Variants in ATE1 observed in about 807,000 individuals in gnomAD.
ATE1 encodes arginyl-tRNA--protein transferase 1.
Under a neutral mutation model 70.5 loss-of-function variants are expected in ATE1, and 36 were observed. The observed-to-expected ratio is 0.51, with a 90% confidence interval of 0.39 to 0.67. The LOEUF is 0.67. ATE1 is among the 30% of genes least tolerant of loss of function. The pLI is 0.00. For missense variants in ATE1, 593 were observed against 629.5 expected (o/e 0.94, Z 0.62); for synonymous variants, 232 against 219.3 (o/e 1.06, Z -0.51).
At chr10:121,856,779 T>C (rs886685893) in intron 8 of ATE1, among the ~76,000 whole-genome samples, 1 of 152,160 alleles carries the variant, frequency 6.6e-6, no homozygotes, top group Non-Finnish European at 1.5e-5. Context: ...TTGTTCAACA[T>C]AGGATTGCCA....
chr10:121,747,386 G>A (rs2135679354), intron 11 of ATE1, among the ~76,000 whole-genome samples: 1 of 152,272 alleles, frequency 6.6e-6, no homozygotes, highest in Middle Eastern at 3.4e-3. Context: ...TCTCCAACTG[G>A]GTTCAGCCAG....
chr10:121,851,839 T>C (rs973719238), intron 8 of ATE1, among the ~76,000 whole-genome samples: 1 of 152,240 alleles, frequency 6.6e-6, no homozygotes, highest in African/African-American at 2.4e-5. Flanking sequence ...CCTCTACCTA[T>C]ACAGAAGAAA....
At chr10:121,888,117 G>T (rs1950461861) in intron 7 of ATE1, among the ~76,000 whole-genome samples, 1 of 152,182 alleles carries the variant, frequency 6.6e-6, no homozygotes, top group African/African-American at 2.4e-5. Flanking sequence ...TAAAGAGGCT[G>T]GGCGCAGTGG....
At chr10:121,854,691 C>CA (rs1564898230) in intron 8 of ATE1, among the ~76,000 whole-genome samples, 2 of 152,120 alleles carry the variant, frequency 1.3e-5, no homozygotes, top group Non-Finnish European at 2.9e-5. Flanking sequence ...GGAAAAAAAA[C>CA]GGTCAGGCAG....
intron 7 of ATE1, among the ~76,000 whole-genome samples, chr10:121,871,809 C>A (rs141402718): frequency 4.3e-4 from 66 of 152,212 alleles, no homozygotes; most frequent in African/African-American, 1.6e-3. Flanking sequence ...ATATGCAGTT[C>A]CATTACATTA....
chr10:121,838,995 A>C (rs1948530658), intron 9 of ATE1, among the ~76,000 whole-genome samples: 1 of 152,232 alleles, frequency 6.6e-6, no homozygotes, highest in African/African-American at 2.4e-5. Context: ...AATCAATAAC[A>C]GAATTAGCAA....
intron 1 of ATE1, chr10:121,927,066 AAAT>A: frequency 8.1e-6 from 8 of 985,282 alleles, no homozygotes; most frequent in Admixed American, 6.1e-5. Flanking sequence ...TGTTCTATTA[AAAT>A]AATAGAGTCT....
At chr10:121,875,978 C>T (rs1179280323) in intron 7 of ATE1, among the ~76,000 whole-genome samples, 1 of 152,146 alleles carries the variant, frequency 6.6e-6, no homozygotes, top group Non-Finnish European at 1.5e-5. Context: ...AACACTGGTC[C>T]CTACCAGCTC....
chr10:121,761,945 T>C (rs1945057801), intron 11 of ATE1, among the ~76,000 whole-genome samples: 1 of 152,192 alleles, frequency 6.6e-6, no homozygotes, highest in East Asian at 1.9e-4. Context: ...TCTATTTTTC[T>C]TTCCTTCTCT....
At chr10:121,791,098 T>A (rs77541168) in intron 10 of ATE1, among the ~76,000 whole-genome samples, 26,264 of 69,040 alleles carry the variant, frequency 0.38, 2,662 homozygotes, top group East Asian at 0.47. Context: ...GTATATATAT[T>A]TTTTTTTTTT....
At chr10:121,892,895 A>T (rs1950629586) in intron 7 of ATE1, among the ~76,000 whole-genome samples, 1 of 152,218 alleles carries the variant, frequency 6.6e-6, no homozygotes, top group South Asian at 2.1e-4. Flanking sequence ...GTGACTGTGC[A>T]TATGCCCCAG....
intron 10 of ATE1, among the ~76,000 whole-genome samples, chr10:121,808,095 T>C (rs915709027): frequency 1.3e-5 from 2 of 152,212 alleles, no homozygotes; most frequent in African/African-American, 4.8e-5. Context: ...TGTGGGGATC[T>C]ACACATCTGT....
chr10:121,788,813 CA>C (rs564688712), intron 11 of ATE1, among the ~76,000 whole-genome samples: 69 of 152,286 alleles, frequency 4.5e-4, no homozygotes, highest in African/African-American at 1.5e-3. Context: ...CTGAGAATAT[CA>C]AGGAACTTTA....
intron 8 of ATE1, among the ~76,000 whole-genome samples, chr10:121,846,415 C>T (rs538449975): frequency 1.3e-5 from 2 of 152,284 alleles, no homozygotes; most frequent in South Asian, 2.1e-4. Context: ...GGGAGCATAA[C>T]TCCCTACTAC....
intron 2 of ATE1, 33 bp from the exon 3 acceptor site, chr10:121,922,444 ATATAT>A: frequency 7.1e-7 from 1 of 1,417,218 alleles, no homozygotes; most frequent in Non-Finnish European, 9.8e-7. Flanking sequence ...TTAATGTCTT[ATATAT>A]TTTTCACTTG....
intron 7 of ATE1, among the ~76,000 whole-genome samples, chr10:121,875,298 G>T (rs1332810824): frequency 1.1e-4 from 10 of 89,482 alleles, no homozygotes; most frequent in African/African-American, 3.9e-4. Flanking sequence ...TTTTTTTTTG[G>T]TTTTTTTTTG....
intron 7 of ATE1, among the ~76,000 whole-genome samples, chr10:121,883,425 A>G (rs542115332): frequency 2.0e-5 from 3 of 152,342 alleles, no homozygotes; most frequent in Admixed American, 6.5e-5. Context: ...AAATGCTAAT[A>G]CTAGACAAAC....
upstream of ATE1, chr10:121,928,418 A>G (rs1172856692): frequency 6.6e-7 from 1 of 1,522,734 alleles, no homozygotes; most frequent in Non-Finnish European, 8.8e-7. Context: ...CTTGTATTCC[A>G]CCACCGACGC....
chr10:121,800,110 T>G (rs528230905), intron 10 of ATE1, among the ~76,000 whole-genome samples: 1 of 152,328 alleles, frequency 6.6e-6, no homozygotes, highest in African/African-American at 2.4e-5. Context: ...TGTGAAGCCC[T>G]ATGTATTCAG....
Sources: gnomAD v4.1 joint callset for allele counts (sites outside exome capture counted in the v4.1 genomes callset) on GRCh38, gnomAD v4.1.1 for gene constraint, MANE v1.5 for transcripts, NCBI Gene and HGNC (gene_info 2026-07-23, HGNC 2026-07-21) for gene names.